Variants in FIS1 observed in about 807,000 individuals in gnomAD.
The protein encoded by FIS1 is fission, mitochondrial 1.
A neutral mutation model predicts 21.6 loss-of-function variants in FIS1; 16 were observed. The observed-to-expected ratio is 0.74, with a 90% CI of 0.50 to 1.12. FIS1 has a LOEUF of 1.12. Ranked by LOEUF, FIS1 falls within the 50% of genes most tolerant of loss-of-function variation. FIS1 has a pLI of 0.00. For missense variants in FIS1, 198 were observed against 190.9 expected, an observed-to-expected ratio of 1.04 and a Z score of -0.22; for synonymous variants, 92 against 82.2, an observed-to-expected ratio of 1.12 and a Z score of -0.65.
chr7:101,240,004 T>C, intron 4 of FIS1, 101 bp from the exon 5 acceptor site: 1 of 1,413,208 alleles, frequency 7.1e-7, no homozygotes, highest in East Asian at 2.4e-5. Context: ...CACCCCTACC[T>C]GGAGTCGCAG....
intron 4 of FIS1, 99 bp from the exon 5 acceptor site, chr7:101,240,002 C>G: frequency 1.4e-6 from 2 of 1,415,338 alleles, no homozygotes; most frequent in East Asian, 2.4e-5. Flanking sequence ...CACACCCCTA[C>G]CTGGAGTCGC....
chr7:101,240,157 T>C lies in FIS1; in HGVS notation c.346A>G (p.Lys116Glu). The part of the protein sequence containing the change: ...QAKELERLID[K>E]AMKKDGLVGM... ...AGGCTGTCACCTTTCTTCATGGCCT[T>C]GTCAATGAGCCGCTCCAGTTCCTTG... Residue 116 changes from lysine to glutamate, a missense_variant, in exon 4 of 5, where the codon AAG (lysine) becomes GAG (glutamate). By Grantham distance (56) the Lys-to-Glu change is moderately conservative. Coordinates refer to ENST00000223136, the MANE Select transcript of FIS1 (RefSeq NM_016068.3). 6.2e-7 allele frequency: 1 copy of C among 1,614,120 alleles called. No homozygotes were observed. The highest frequency in any genetic ancestry group is 8.5e-7 in the Non-Finnish European group (1 of 1,180,004).
rs1453537881 is a variant in FIS1 at position 101,244,953 on chromosome 7, G to C, written c.45+7C>G. 3.7e-6 allele frequency: 6 copies of C among 1,613,924 alleles called. No individual in the cohort carries two copies. Among genetic ancestry groups the C allele is most frequent in the Non-Finnish European group, 8.5e-7 (1 of 1,179,962 alleles). On this transcript the variant is annotated splice_region_variant and intron_variant, in intron 1 of 4. Coordinates refer to ENST00000223136, the MANE Select transcript of FIS1 (RefSeq NM_016068.3). ...TTCCCTTTCCCTCTGTCCGGGCCAG[G>C]CCTCACCAGCAGGTCCTCCACAGAC...
At chr7:101,240,968 G>A (rs1562907772) in intron 2 of FIS1, 62 bp from the exon 3 acceptor site, 1 of 1,525,264 alleles carries the variant, frequency 6.6e-7, no homozygotes, top group South Asian at 1.1e-5. Context: ...CTAATACTGT[G>A]TCCCAGAGGC....
intron 3 of FIS1, among the ~76,000 whole-genome samples, 155 bp from the exon 4 acceptor site, chr7:101,240,402 A>G (rs1007164987): frequency 3.3e-5 from 5 of 152,122 alleles, no homozygotes; most frequent in African/African-American, 1.2e-4. Context: ...AGGCTCAAGC[A>G]GTCCTCCCGC....
In FIS1 at chr7:101,239,729, C is replaced by A. The variant is rs1456027186; in HGVS notation, c.*77G>T. On this transcript the variant is annotated 3_prime_UTR_variant, in exon 5 of 5. Transcript: ENST00000223136. ...GGCCACAGAGGATAGAGACGGGGGG[C>A]AGGGGGAGAACAGGGAAAGGACAGC... 2.5e-6 allele frequency: 3 copies of A among 1,223,778 alleles called. No individual in the cohort carries two copies. Among genetic ancestry groups the A allele is most frequent in the Non-Finnish European group, 3.5e-6 (3 of 847,398 alleles). The allele number at this position is 1,223,778 out of a possible 1,614,324, so 75.8% of individuals were successfully genotyped here.
At chr7:101,244,841 G>A in intron 1 of FIS1, 119 bp downstream of exon 1, 1 of 1,256,460 alleles carries the variant, frequency 8.0e-7, no homozygotes, top group Non-Finnish European at 1.1e-6. Context: ...GCTGCCGGGA[G>A]CCGTAGTTCG....
At position 101,240,197 on chromosome 7, in the gene FIS1, G is replaced by T. The variant is rs1372672583; in HGVS notation, c.306C>A (p.Pro102=). The T allele has an allele frequency of 6.2e-7, 1 of 1,614,220 alleles. No homozygotes were observed. The highest frequency in any genetic ancestry group is 2.2e-5 in the East Asian group (1 of 44,888). Residue 102 remains proline, a synonymous_variant, in exon 4 of 5, where the codon CCC becomes CCA. Transcript: ENST00000223136. The stretch of plus-strand genomic sequence containing the variant: ...CCAGTTCCTTGGCCTGGTTGTTCTG[G>T]GGCTCTGTCTGCAGCAACCCGCGGA... ...KYVRGLLQTE[P]QNNQAKELER... is the part of the protein sequence containing the mutation.
rs1331189058 is a variant in FIS1, at chr7:101,244,810, C to A, written c.45+150G>T. Reference sequence around the variant, plus strand: ...TCTGCGGCATAGCAGGCCCTCCGGGCAGGAGCCAGGCGCTGTGGAGGCTGC... The same window carrying A: ...TCTGCGGCATAGCAGGCCCTCCGGGAAGGAGCCAGGCGCTGTGGAGGCTGC... On this transcript the variant is annotated intron_variant, in intron 1 of 4. Transcript: ENST00000223136. 5 of 898,338 alleles carry A rather than the reference C, an allele frequency of 5.6e-6. No homozygotes were observed. The Admixed American group carries it at 6.6e-5, about 12-fold the overall frequency. 55.6% of individuals were successfully genotyped at this position (898,338 alleles called of 1,614,324 possible).
intron 2 of FIS1, chr7:101,241,131 A>C: frequency 1.7e-6 from 1 of 576,822 alleles, no homozygotes; most frequent in Non-Finnish European, 3.1e-6. Flanking sequence ...CATGCCTTTT[A>C]TCAGTATTAC....
chr7:101,244,835 C>T (rs574713681), intron 1 of FIS1, 125 bp downstream of exon 1: 19 of 1,205,786 alleles, frequency 1.6e-5, no homozygotes, highest in Middle Eastern at 2.7e-4. Context: ...GTGGAGGCTG[C>T]CGGGAGCCGT....
At chr7:101,243,933 G>C in intron 2 of FIS1, 74 bp downstream of exon 2, 1 of 1,529,484 alleles carries the variant, frequency 6.5e-7, no homozygotes. Flanking sequence ...ACAACTCAGA[G>C]GTGCCTGGAC....
chr7:101,240,538 A>G (rs1178186802), intron 3 of FIS1, among the ~76,000 whole-genome samples: 4 of 151,482 alleles, frequency 2.6e-5, no homozygotes, highest in Admixed American at 2.0e-4. Flanking sequence ...TCCTCCCTCG[A>G]CCTCCACCCA....
rs1373019253 is a variant in FIS1, at chr7:101,243,730, A to T, written c.178+277T>A. On this transcript the variant is annotated intron_variant, in intron 2 of 4. Coordinates refer to ENST00000223136, the MANE Select transcript of FIS1 (RefSeq NM_016068.3). ...ATGGGCCTAGGTCTCACAAAACAGG[A>T]GCTTCTAGTCCCAATTCAGCCATTA... is the stretch of plus-strand genomic sequence containing the variant. Among the ~76,000 whole-genome samples the T allele has an allele frequency of 2.0e-5, 3 of 152,194 alleles. No homozygotes were observed. In the East Asian group the frequency reaches 5.8e-4, roughly 29 times the overall value.
At chr7:101,241,314 G>A (rs1433772130) in intron 2 of FIS1, 2 of 171,322 alleles carry the variant, frequency 1.2e-5, no homozygotes, top group Non-Finnish European at 2.5e-5. Flanking sequence ...TTCGCCTCCT[G>A]GGTTCAAGCG....
rs753332184 is a variant in FIS1 at position 101,244,122 on chromosome 7, A to G, written c.63T>C (p.Phe21=). ...CCGAGCCTGCTGCCTTCTCAGACTG[A>G]AATTTCTTTTCAAACTTCTGCCACA... The part of the protein sequence containing the change: ...VEDLLKFEKK[F]QSEKAAGSVS... The change falls in exon 2 of 5, where the codon TTT becomes TTC. Residue 21 remains phenylalanine, a synonymous_variant. Transcript: ENST00000223136. The G allele has an allele frequency of 6.2e-7, 1 of 1,613,538 alleles. No individual in the cohort carries two copies. The highest frequency in any genetic ancestry group is 1.1e-5 in the South Asian group (1 of 91,040).
chr7:101,243,428 T>C (rs987511521), intron 2 of FIS1, among the ~76,000 whole-genome samples: 2 of 152,026 alleles, frequency 1.3e-5, no homozygotes, highest in Non-Finnish European at 2.9e-5. Context: ...ATACAAAAAT[T>C]AGCTGGGCGT....
At chr7:101,240,352 G>T in intron 3 of FIS1, 105 bp from the exon 4 acceptor site, 1 of 1,131,056 alleles carries the variant, frequency 8.8e-7, no homozygotes, top group Non-Finnish European at 1.3e-6. Context: ...ACGCTGGACG[G>T]CAGCGTCGCA....
intron 2 of FIS1, 127 bp downstream of exon 2, chr7:101,243,880 C>T: frequency 8.0e-7 from 1 of 1,242,508 alleles, no homozygotes; most frequent in Non-Finnish European, 1.1e-6. Flanking sequence ...CACTGGGAGA[C>T]GTCAAGCTAA....
Sources: gnomAD v4.1 joint callset for allele counts (sites outside exome capture counted in the v4.1 genomes callset) on GRCh38, gnomAD v4.1.1 for gene constraint, MANE v1.5 for transcripts, NCBI Gene and HGNC (gene_info 2026-07-23, HGNC 2026-07-21) for gene names.